The following MAPK10 variants were observed in gnomAD, a reference collection of about 807,000 sequenced individuals.
MAPK10 encodes JNK3 alpha protein kinase.
Under a neutral mutation model 59.3 loss-of-function variants are expected in MAPK10, and 25 were observed. That is an observed-to-expected ratio of 0.42 (90% CI 0.31 to 0.59). The LOEUF is 0.59. Among genes scored for constraint, MAPK10 ranks in the 20% least tolerant of loss-of-function variants. The pLI is 0.15. For synonymous variants in MAPK10, 190 were observed against 200.5 expected (o/e 0.95, Z 0.44); for missense variants, 351 against 568.9 (o/e 0.62, Z 3.90).
chr4:86,524,102 C>T (rs1319114096), intron 1 of MAPK10, among the ~76,000 whole-genome samples: 5 of 152,154 alleles, frequency 3.3e-5, no homozygotes, highest in African/African-American at 9.7e-5. Flanking sequence ...GCAATGTGAT[C>T]GTTGCACGTA....
intron 2 of MAPK10, among the ~76,000 whole-genome samples, chr4:86,201,150 G>T (rs2082531138): frequency 6.6e-6 from 1 of 151,728 alleles, no homozygotes; most frequent in Non-Finnish European, 1.5e-5. Context: ...CTCCAGTTCT[G>T]TCCATGTTGT....
At chr4:86,264,461 A>G (rs2094141410) in intron 2 of MAPK10, among the ~76,000 whole-genome samples, 1 of 152,182 alleles carries the variant, frequency 6.6e-6, no homozygotes, top group African/African-American at 2.4e-5. Flanking sequence ...AGCCCCACTA[A>G]CTGAATCAGC....
intron 1 of MAPK10, among the ~76,000 whole-genome samples, chr4:86,520,684 A>G (rs2149087457): frequency 1.3e-5 from 2 of 152,174 alleles, no homozygotes; most frequent in South Asian, 4.2e-4. Flanking sequence ...GGTGTGATAG[A>G]ATCTCGTTTT....
At chr4:86,403,794 A>G (rs1744023550) in intron 1 of MAPK10, among the ~76,000 whole-genome samples, 1 of 152,102 alleles carries the variant, frequency 6.6e-6, no homozygotes, top group Non-Finnish European at 1.5e-5. Flanking sequence ...CCATGATCCA[A>G]TTACCTCCCT....
intron 2 of MAPK10, among the ~76,000 whole-genome samples, chr4:86,291,976 T>C (rs1445877461): frequency 6.6e-6 from 1 of 152,190 alleles, no homozygotes; most frequent in Non-Finnish European, 1.5e-5. Context: ...GACCATTACA[T>C]TGGACTTTTT....
intron 3 of MAPK10, among the ~76,000 whole-genome samples, chr4:86,161,362 A>G (rs192188185): frequency 1.8e-3 from 277 of 152,216 alleles, no homozygotes; most frequent in Non-Finnish European, 3.1e-3. Flanking sequence ...AATTTAGACA[A>G]TGGGTGTGGA....
At chr4:86,358,247 G>A (rs1000618362) in intron 1 of MAPK10, 1 of 985,346 alleles carries the variant, frequency 1.0e-6, no homozygotes, top group Middle Eastern at 5.2e-4. Flanking sequence ...TGAGAGAAAT[G>A]GTCCTTACTG....
chr4:86,067,677 AG>A, intron 10 of MAPK10, 95 bp downstream of exon 10: 1 of 1,046,494 alleles, frequency 9.6e-7, no homozygotes, highest in Non-Finnish European at 1.3e-6. Context: ...TAAAAATAAA[AG>A]GGAACAAAGA....
At chr4:86,053,448 C>G (rs528334890) in intron 11 of MAPK10, among the ~76,000 whole-genome samples, 2 of 152,100 alleles carry the variant, frequency 1.3e-5, no homozygotes, top group Non-Finnish European at 2.9e-5. Flanking sequence ...ATGCAAATTA[C>G]CAAAAGAGTT....
chr4:86,201,822 T>C (rs1382107597), intron 2 of MAPK10, among the ~76,000 whole-genome samples: 1 of 151,878 alleles, frequency 6.6e-6, no homozygotes, highest in Non-Finnish European at 1.5e-5. Flanking sequence ...TTTTTCTTCT[T>C]CTTTTTTTAG....
At chr4:86,556,967 A>G (rs766144466) in intron 1 of MAPK10, among the ~76,000 whole-genome samples, 4 of 152,080 alleles carry the variant, frequency 2.6e-5, no homozygotes, top group Admixed American at 6.5e-5. Flanking sequence ...AGTGAAACCC[A>G]TAAGATTTGC....
intron 2 of MAPK10, among the ~76,000 whole-genome samples, chr4:86,236,469 C>T (rs980131318): frequency 1.3e-5 from 2 of 152,094 alleles, no homozygotes; most frequent in Non-Finnish European, 1.5e-5. Context: ...TGGATAGAAA[C>T]GTAGGTCAGA....
intron 4 of MAPK10, chr4:86,120,098 A>C (rs2058986471): frequency 6.6e-6 from 1 of 152,252 alleles, no homozygotes; most frequent in Admixed American, 6.5e-5. Flanking sequence ...TAAATACAGC[A>C]ATATGCTCTG....
At chr4:86,250,656 T>A (rs753082071) in intron 2 of MAPK10, among the ~76,000 whole-genome samples, 1 of 152,086 alleles carries the variant, frequency 6.6e-6, no homozygotes, top group Non-Finnish European at 1.5e-5. Flanking sequence ...AACTTATTTA[T>A]TATGGAATCA....
intron 2 of MAPK10, among the ~76,000 whole-genome samples, chr4:86,323,603 G>C (rs540254250): frequency 3.3e-5 from 5 of 152,156 alleles, no homozygotes; most frequent in Non-Finnish European, 7.3e-5. Context: ...AGAAATTCCA[G>C]AGATGACTGT....
In MAPK10 at chr4:86,010,797, G is replaced by A. The variant is rs1444752359; in HGVS notation, c.*6431C>T. 6.6e-6 allele frequency: 1 copy of A among 152,196 alleles called. No homozygotes were observed. The highest frequency in any genetic ancestry group is 1.5e-5 in the Non-Finnish European group (1 of 68,048). The allele number at this position is 152,196 out of a possible 1,614,324, so 9.4% of individuals were successfully genotyped here. On this transcript the variant is annotated 3_prime_UTR_variant, in exon 14 of 14. Coordinates refer to ENST00000641462, the MANE Select transcript of MAPK10 (RefSeq NM_138982.4). ...AGTGTTAATGGAAGGCGAATTATGT[G>A]TGGGACAGTCTTCTAGGGAATATGT...
intron 2 of MAPK10, among the ~76,000 whole-genome samples, chr4:86,291,821 A>G (rs1394873436): frequency 6.6e-6 from 1 of 152,202 alleles, no homozygotes; most frequent in African/African-American, 2.4e-5. Context: ...TAATGCTATA[A>G]ATTCCTATAA....
intron 2 of MAPK10, among the ~76,000 whole-genome samples, chr4:86,217,551 A>G (rs1473528343): frequency 1.3e-5 from 2 of 152,202 alleles, no homozygotes; most frequent in Admixed American, 6.5e-5. Flanking sequence ...GGTTACTGCA[A>G]GAAACCCTAT....
intron 11 of MAPK10, among the ~76,000 whole-genome samples, chr4:86,042,976 A>T (rs2041866183): frequency 6.6e-6 from 1 of 152,180 alleles, no homozygotes. Context: ...CCTGGATAGA[A>T]AGTAGTGCCA....
Sources: allele counts gnomAD v4.1 joint callset (sites outside exome capture counted in the v4.1 genomes callset), GRCh38; gene constraint gnomAD v4.1.1; transcripts MANE v1.5; gene names NCBI Gene and HGNC (gene_info 2026-07-23, HGNC 2026-07-21).